The following CADPS2 variants were observed in gnomAD, a reference collection of about 807,000 sequenced individuals.
CADPS2 encodes calcium dependent secretion activator 2, also known as calcium-dependent secretion activator 2.
CADPS2 carries 93 observed loss-of-function variants against 172.5 expected under a neutral mutation model. The observed-to-expected ratio is 0.54, with a 90% CI of 0.46 to 0.64. The LOEUF (loss-of-function observed/expected upper bound fraction) is 0.64. CADPS2 is among the 30% of genes least tolerant of loss of function. The pLI is 0.00. For missense variants in CADPS2, 1,420 were observed against 1,565.9 expected (o/e 0.91, Z 1.57); for synonymous variants, 546 against 555.2 (o/e 0.98, Z 0.23).
At chr7:122,461,199 G>T (rs761633461) in intron 14 of CADPS2, among the ~76,000 whole-genome samples, 1 of 152,238 alleles carries the variant, frequency 6.6e-6, no homozygotes, top group East Asian at 1.9e-4. Context: ...AAAATACGTA[G>T]ATAGAATACA....
chr7:122,561,237 T>C (rs1238218955), intron 7 of CADPS2, among the ~76,000 whole-genome samples: 1 of 152,108 alleles, frequency 6.6e-6, no homozygotes, highest in Non-Finnish European at 1.5e-5. Flanking sequence ...AATTTTGGAA[T>C]TTACAATATG....
intron 1 of CADPS2, among the ~76,000 whole-genome samples, chr7:122,855,442 G>A (rs968447751): frequency 4.6e-5 from 7 of 152,118 alleles, no homozygotes; most frequent in African/African-American, 1.4e-4. Flanking sequence ...CACAAATAAA[G>A]TGTCCTTCCA....
At chr7:122,561,160 C>A (rs2132205324) in intron 7 of CADPS2, among the ~76,000 whole-genome samples, 1 of 152,226 alleles carries the variant, frequency 6.6e-6, no homozygotes, top group Admixed American at 6.5e-5. Flanking sequence ...GAAAGATTAG[C>A]ATTAAATCTT....
intron 4 of CADPS2, among the ~76,000 whole-genome samples, chr7:122,625,552 T>C (rs1037776723): frequency 2.6e-5 from 4 of 152,174 alleles, no homozygotes; most frequent in Admixed American, 2.6e-4. Flanking sequence ...GGCGAAGGTT[T>C]CCTAAAGAAG....
chr7:122,776,431 T>C (rs1302780741), intron 1 of CADPS2, among the ~76,000 whole-genome samples: 1 of 152,016 alleles, frequency 6.6e-6, no homozygotes, highest in Non-Finnish European at 1.5e-5. Flanking sequence ...TTCTTCATAG[T>C]GGTATGAAAA....
intron 1 of CADPS2, among the ~76,000 whole-genome samples, chr7:122,862,572 G>A (rs1477024999): frequency 1.3e-5 from 2 of 152,062 alleles, no homozygotes; most frequent in Non-Finnish European, 2.9e-5. Context: ...AGCCTTAAGA[G>A]GAGTAAGGGC....
At chr7:122,850,631 T>A (rs753571637) in intron 1 of CADPS2, among the ~76,000 whole-genome samples, 1 of 152,244 alleles carries the variant, frequency 6.6e-6, no homozygotes, top group African/African-American at 2.4e-5. Flanking sequence ...CCTATCCTGA[T>A]GGTCAGCTCC....
At chr7:122,507,364 C>T (rs1213922628) in intron 9 of CADPS2, among the ~76,000 whole-genome samples, 1 of 152,020 alleles carries the variant, frequency 6.6e-6, no homozygotes, top group Non-Finnish European at 1.5e-5. Context: ...GGGACTTAAT[C>T]CAAAGGTGTA....
intron 1 of CADPS2, among the ~76,000 whole-genome samples, chr7:122,782,570 C>T (rs1793012367): frequency 1.3e-5 from 2 of 152,058 alleles, no homozygotes; most frequent in South Asian, 2.1e-4. Context: ...ATGTTCATGC[C>T]ATTGCACTCC....
intron 1 of CADPS2, among the ~76,000 whole-genome samples, chr7:122,864,370 C>T (rs1432413267): frequency 6.6e-6 from 1 of 152,044 alleles, no homozygotes; most frequent in Non-Finnish European, 1.5e-5. Context: ...GTTCCAGCTA[C>T]TTGGGAGGCT....
At chr7:122,734,696 C>T (rs2092016977) in intron 2 of CADPS2, among the ~76,000 whole-genome samples, 1 of 152,032 alleles carries the variant, frequency 6.6e-6, no homozygotes, top group Non-Finnish European at 1.5e-5. Flanking sequence ...TGAGAAGCAA[C>T]TTTTCTACCT....
intron 6 of CADPS2, among the ~76,000 whole-genome samples, chr7:122,605,571 T>A (rs1379215097): frequency 1.3e-5 from 2 of 152,162 alleles, no homozygotes; most frequent in African/African-American, 4.8e-5. Context: ...CTCCAGAAAC[T>A]TAGAATTGTT....
At chr7:122,745,967 C>A (rs896852445) in intron 1 of CADPS2, among the ~76,000 whole-genome samples, 1 of 152,036 alleles carries the variant, frequency 6.6e-6, no homozygotes, top group African/African-American at 2.4e-5. Context: ...CTGTTTTTAT[C>A]CAAGATTCCC....
intron 3 of CADPS2, among the ~76,000 whole-genome samples, chr7:122,646,735 A>G (rs751242385): frequency 2.6e-5 from 4 of 152,206 alleles, no homozygotes; most frequent in Non-Finnish European, 2.9e-5. Flanking sequence ...TTTTTTCCCT[A>G]TATTCAAAGT....
intron 6 of CADPS2, among the ~76,000 whole-genome samples, chr7:122,603,533 T>C (rs893104169): frequency 2.6e-5 from 4 of 151,612 alleles, no homozygotes; most frequent in Non-Finnish European, 5.9e-5. Flanking sequence ...CTGAAGAATA[T>C]AACGATTGGG....
intron 1 of CADPS2, among the ~76,000 whole-genome samples, chr7:122,835,051 C>A (rs1807920858): frequency 6.6e-6 from 1 of 152,182 alleles, no homozygotes. Context: ...GACAGACAGA[C>A]ACCTCACATG....
At chr7:122,867,709 A>G (rs1186265589) in intron 1 of CADPS2, among the ~76,000 whole-genome samples, 1 of 152,200 alleles carries the variant, frequency 6.6e-6, no homozygotes, top group Non-Finnish European at 1.5e-5. Context: ...CAAATAAAGA[A>G]TAAACTTATC....
intron 2 of CADPS2, among the ~76,000 whole-genome samples, chr7:122,695,388 TG>T (rs768515966): frequency 1.7e-4 from 26 of 152,154 alleles, no homozygotes; most frequent in Admixed American, 1.2e-3. Context: ...CAAGAGAAAA[TG>T]GTATATAGCC....
At chr7:122,722,238 GA>G (rs2137131598) in intron 2 of CADPS2, among the ~76,000 whole-genome samples, 1 of 152,144 alleles carries the variant, frequency 6.6e-6, no homozygotes, top group African/African-American at 2.4e-5. Context: ...ATTAGGAAAA[GA>G]GGAAGTCAAA....
Sources: gnomAD v4.1 joint callset for allele counts (sites outside exome capture counted in the v4.1 genomes callset) on GRCh38, gnomAD v4.1.1 for gene constraint, MANE v1.5 for transcripts, NCBI Gene and HGNC (gene_info 2026-07-23, HGNC 2026-07-21) for gene names.